The following B4GALNT1 variants were observed in gnomAD, a reference collection of about 807,000 sequenced individuals.
The protein encoded by B4GALNT1 is beta-1,4 N-acetylgalactosaminyltransferase 1.
B4GALNT1 carries 43 observed loss-of-function variants against 55.2 expected under a neutral mutation model. That is an observed-to-expected ratio of 0.78 (90% confidence interval 0.61 to 1.00). The LOEUF is 1.00. B4GALNT1 is among the 50% of genes least tolerant of loss of function. B4GALNT1 has a pLI of 0.00. For missense variants in B4GALNT1, 664 were observed against 729.7 expected (o/e 0.91, Z 1.04); for synonymous variants, 305 against 311.6 (o/e 0.98, Z 0.22).
chr12:57,627,841 G>A lies in B4GALNT1; in HGVS notation c.1161C>T (p.Arg387=). 6.3e-7 allele frequency: 1 copy of A among 1,585,340 alleles called. No homozygotes were observed. Among genetic ancestry groups the A allele is most frequent in the African/African-American group, 1.3e-5 (1 of 74,614 alleles). The part of the protein sequence containing the change: ...TPLDLVGGAV[R]EISGFATTYR... ...AAGTGGTGGCAAAGCCGGAGATCTC[G>A]CGCACCGCGCCCCCCACCTGCAGGG... The change falls in exon 10 of 11, where the codon CGC becomes CGT. Residue 387 remains arginine (R), a synonymous_variant. Coordinates refer to ENST00000341156, the MANE Select transcript of B4GALNT1 (RefSeq NM_001478.5).
rs954919915 is a variant in B4GALNT1 at position 57,624,780 on chromosome 12, G to A, written c.*1964C>T. On this transcript the variant is annotated 3_prime_UTR_variant, in exon 11 of 11. Transcript: ENST00000341156. ...GGGACAGAGCTCTACAGACCACTCAGAGGAAGCCCCAGGGTGGGTGGGCTG... is the reference window on the plus strand; with the variant it reads ...GGGACAGAGCTCTACAGACCACTCAAAGGAAGCCCCAGGGTGGGTGGGCTG... 5.6e-5 allele frequency: 71 copies of A among 1,263,092 alleles called. 1 individual carries two copies. The Admixed American group carries it at 1.2e-3, about 21-fold the overall frequency. 78.2% of individuals were successfully genotyped at this position (1,263,092 alleles called of 1,614,324 possible).
rs1389170814 is a variant in B4GALNT1, at chr12:57,624,494, C to G, written c.*2250G>C. 1 of 621,810 alleles carries G rather than the reference C, an allele frequency of 1.6e-6. No individual in the cohort carries two copies. The highest frequency in any genetic ancestry group is 1.4e-5 in the South Asian group (1 of 71,134). 38.5% of individuals were successfully genotyped at this position (621,810 alleles called of 1,614,324 possible). On this transcript the variant is annotated 3_prime_UTR_variant, in exon 11 of 11. Coordinates refer to ENST00000341156, the MANE Select transcript of B4GALNT1 (RefSeq NM_001478.5). The stretch of plus-strand genomic sequence containing the variant: ...TGGGCAATCCACCCCTATCCCTATC[C>G]TGCAGGCTGTGTGGATGGTCACCTG...
In B4GALNT1 at chr12:57,628,816, C is replaced by T. The variant is rs771628032; in HGVS notation, c.899G>A (p.Arg300His). 44 of 1,614,010 alleles carry T rather than the reference C, an allele frequency of 2.7e-5. No homozygotes were observed. In the Middle Eastern group the frequency reaches 4.9e-4, roughly 18 times the overall value. The change falls in exon 8 of 11, where the codon CGC becomes CAC. Residue 300 changes from arginine to histidine, a missense_variant. Physicochemically the swap from Arg to His is conservative, Grantham distance 29. Transcript: ENST00000341156. ...DRLRALITSI[R>H]RFYPTVTVVI... ...CACGGTAACCGTTGGGTAGAAGCGG[C>T]GGATACTGGTGATGAGAGCCCGTAG... is the stretch of plus-strand genomic sequence containing the variant.
intron 8 of B4GALNT1, 139 bp downstream of exon 8, chr12:57,628,574 C>T (rs1465350234): frequency 1.0e-5 from 11 of 1,100,924 alleles, no homozygotes; most frequent in Non-Finnish European, 1.3e-5. Flanking sequence ...AGCTTACATT[C>T]CAGGAATCCT....
In B4GALNT1 at chr12:57,630,168, G is replaced by A. The variant is rs1483252358; in HGVS notation, c.696C>T (p.Thr232=). ...LVTYSSRSYQ[T]NTADTVRFST... ...GCCTTGCACCTGTGTCTGCTGTGTT[G>A]GTCTGGTAGCTTCGGCTGCTGTAAG... Residue 232 remains threonine (T), a synonymous_variant, in exon 6 of 11, where the codon ACC becomes ACT. Transcript: ENST00000341156. 1 of 1,614,210 alleles carries A rather than the reference G, an allele frequency of 6.2e-7. No individual in the cohort carries two copies. The highest frequency in any genetic ancestry group is 1.6e-4 in the Middle Eastern group (1 of 6,062).
chr12:57,625,583 C>G lies in B4GALNT1; in HGVS notation c.*1161G>C. 6.3e-7 allele frequency: 1 copy of G among 1,598,930 alleles called. No homozygotes were observed. Among genetic ancestry groups the G allele is most frequent in the Non-Finnish European group, 8.5e-7 (1 of 1,171,166 alleles). On this transcript the variant is annotated 3_prime_UTR_variant, in exon 11 of 11. Coordinates refer to ENST00000341156, the MANE Select transcript of B4GALNT1 (RefSeq NM_001478.5). ...GAGTCTGACACCCTCCCCACATAGC[C>G]TTGGTGCAGGGGACACTGACCCGGG...
In B4GALNT1 at chr12:57,624,968, G is replaced by C; in HGVS notation, c.*1776C>G. The C allele has an allele frequency of 6.2e-7, 1 of 1,614,130 alleles. No individual in the cohort carries two copies. Among genetic ancestry groups the C allele is most frequent in the Non-Finnish European group, 8.5e-7 (1 of 1,180,010 alleles). Reference sequence around the variant, plus strand: ...CAACCTGGAGTGGCACCTGGGGCTCGGAGAAGGAGAAAAGGTGAAGGAGCT... The same window carrying C: ...CAACCTGGAGTGGCACCTGGGGCTCCGAGAAGGAGAAAAGGTGAAGGAGCT... On this transcript the variant is annotated 3_prime_UTR_variant, in exon 11 of 11. Transcript: ENST00000341156.
In B4GALNT1 at chr12:57,626,115, G is replaced by A. The variant is rs961307970; in HGVS notation, c.*629C>T. The A allele has an allele frequency of 1.4e-4, 27 of 188,662 alleles. 2 individuals carry two copies. Among genetic ancestry groups the A allele is most frequent in the East Asian group, 5.5e-4 (4 of 7,228 alleles). 11.7% of individuals were successfully genotyped at this position (188,662 alleles called of 1,614,324 possible). On this transcript the variant is annotated 3_prime_UTR_variant, in exon 11 of 11. Coordinates refer to ENST00000341156, the MANE Select transcript of B4GALNT1 (RefSeq NM_001478.5). ...TGACCCTTGAACCCCCTTACCTAAC[G>A]TAACTAATAAAATGAAGCTGAGAGC... is the stretch of plus-strand genomic sequence containing the variant.
chr12:57,627,743 T>G lies in B4GALNT1; in HGVS notation c.1259A>C (p.His420Pro). Residue 420 changes from histidine to proline, a missense_variant, in exon 10 of 11, where the codon CAC becomes CCC. Coordinates refer to ENST00000341156, the MANE Select transcript of B4GALNT1 (RefSeq NM_001478.5). ...GCCTGGGAAGCCGACGAGCTCGTGG[T>G]GGAAGCCGCGCCTTTGCCGGAGGCA... ...GNCLRQRRGF[H>P]HELVGFPGCV... 1 of 1,609,050 alleles carries G rather than the reference T, an allele frequency of 6.2e-7. No homozygotes were observed. Among genetic ancestry groups the G allele is most frequent in the East Asian group, 2.2e-5 (1 of 44,540 alleles).
chr12:57,627,939 CG>C, intron 9 of B4GALNT1, 81 bp from the exon 10 acceptor site: 1 of 1,472,096 alleles, frequency 6.8e-7, no homozygotes, highest in Non-Finnish European at 9.0e-7. Flanking sequence ...CCGGTGCCTT[CG>C]GGGGTACCCC....
In B4GALNT1 at chr12:57,630,833, C is replaced by G. The variant is rs540949545; in HGVS notation, c.490+147G>C. 38 of 806,570 alleles carry G rather than the reference C, an allele frequency of 4.7e-5. 1 individual carries two copies. The South Asian group carries it at 5.6e-4, about 12-fold the overall frequency. The allele number at this position is 806,570 out of a possible 1,614,324, so 50.0% of individuals were successfully genotyped here. On this transcript the variant is annotated intron_variant, in intron 4 of 10. Coordinates refer to ENST00000341156, the MANE Select transcript of B4GALNT1 (RefSeq NM_001478.5). ...AGTCCCTTCTGTCCTCACTTCCCACCTCCTAAGCCGCCGTTTGAGCTTAAG... is the reference window on the plus strand; with the variant it reads ...AGTCCCTTCTGTCCTCACTTCCCACGTCCTAAGCCGCCGTTTGAGCTTAAG...
chr12:57,623,686 G>A lies in B4GALNT1; in HGVS notation c.*3058C>T. On this transcript the variant is annotated 3_prime_UTR_variant, in exon 11 of 11. Transcript: ENST00000341156. Reference sequence around the variant, plus strand: ...GGAGCGGGAGGGTTAGATGTGAATGGCAGAATATTAAGAAGGGGGTTGTGT... The same window carrying A: ...GGAGCGGGAGGGTTAGATGTGAATGACAGAATATTAAGAAGGGGGTTGTGT... 1.6e-6 allele frequency: 1 copy of A among 643,546 alleles called. No homozygotes were observed. Among genetic ancestry groups the A allele is most frequent in the Admixed American group, 2.9e-5 (1 of 34,342 alleles). 39.9% of individuals were successfully genotyped at this position (643,546 alleles called of 1,614,324 possible).
At chr12:57,628,980 A>G in intron 7 of B4GALNT1, 68 bp downstream of exon 7, 1 of 1,598,050 alleles carries the variant, frequency 6.3e-7, no homozygotes, top group Non-Finnish European at 8.6e-7. Context: ...CCCTCCCAGG[A>G]CTGCCCTCTC....
chr12:57,630,415 C>G, intron 5 of B4GALNT1, 63 bp downstream of exon 5: 1 of 1,597,748 alleles, frequency 6.3e-7, no homozygotes, highest in African/African-American at 1.3e-5. Context: ...CCTTAGTAGC[C>G]CTGCCTCCCT....
In B4GALNT1 at chr12:57,626,748, T is replaced by G. The variant is rs764986400; in HGVS notation, c.1598A>C (p.Gln533Pro). The G allele has an allele frequency of 2.5e-5, 41 of 1,614,044 alleles. No homozygotes were observed. The highest frequency in any genetic ancestry group is 9.3e-5 in the African/African-American group (7 of 74,924). ...TCAGAAATCCCCAGCGGGCCATCAC[T>G]GGGAGGTCATGCACTGCAGCCGGTG... ...FKHRLQCMTS[Q>P] The change falls in exon 11 of 11, where the codon CAG becomes CCG. Residue 533 changes from glutamine to proline, a missense_variant. Transcript: ENST00000341156.
In B4GALNT1 at chr12:57,630,538, G is replaced by A. The variant is rs964227469; in HGVS notation, c.491-20C>T. 1.3e-6 allele frequency: 2 copies of A among 1,596,260 alleles called. No homozygotes were observed. The highest frequency in any genetic ancestry group is 1.7e-6 in the Non-Finnish European group (2 of 1,172,350). On this transcript the variant is annotated intron_variant, in intron 4 of 10. Transcript: ENST00000341156. ...TCAGCCCTAGGAGAAAGGAGTGGGG[G>A]GATCAGAATCACATAGGCAGCCCTG...
Position 57,628,802 on chromosome 12 carries a change from T to C in B4GALNT1, c.913A>G (p.Thr305Ala), listed in dbSNP as rs148118043. 9.3e-6 allele frequency: 15 copies of C among 1,614,146 alleles called. No individual in the cohort carries two copies. Among genetic ancestry groups the C allele is most frequent in the African/African-American group, 6.7e-5 (5 of 75,026 alleles). Reference sequence around the variant, plus strand: ...TCGTCAGCGATGACCACGGTAACCGTTGGGTAGAAGCGGCGGATACTGGTG... The same window carrying C: ...TCGTCAGCGATGACCACGGTAACCGCTGGGTAGAAGCGGCGGATACTGGTG... ...LITSIRRFYP[T>A]VTVVIADDSD... Residue 305 changes from threonine (T) to alanine (A), a missense_variant, in exon 8 of 11, where the codon ACG (threonine) becomes GCG (alanine). Coordinates refer to ENST00000341156, the MANE Select transcript of B4GALNT1 (RefSeq NM_001478.5).
chr12:57,628,531 T>C, intron 8 of B4GALNT1, 182 bp downstream of exon 8: 5 of 865,206 alleles, frequency 5.8e-6, no homozygotes, highest in Non-Finnish European at 8.7e-6. Flanking sequence ...AGCACCATTC[T>C]AAGAATTCAG....
At chr12:57,630,089 T>C (rs779889254) in intron 6 of B4GALNT1, 63 bp downstream of exon 6, 1 of 1,613,536 alleles carries the variant, frequency 6.2e-7, no homozygotes, top group Non-Finnish European at 8.5e-7. Context: ...ATTTGCCCAC[T>C]CCAGCCTTTC....
Sources: gnomAD v4.1 joint callset for allele counts on GRCh38, gnomAD v4.1.1 for gene constraint, MANE v1.5 for transcripts, NCBI Gene and HGNC (gene_info 2026-07-23, HGNC 2026-07-21) for gene names.